Variants in NRTN observed in about 807,000 individuals in gnomAD.
NRTN encodes neurturin.
A neutral mutation model predicts 7.5 loss-of-function variants in NRTN; 3 were observed. That is an observed-to-expected ratio of 0.40 (90% CI 0.18 to 1.03). The LOEUF (loss-of-function observed/expected upper bound fraction) is 1.03, where lower values mean the gene tolerates loss of function less well. Ranked by LOEUF, NRTN falls within the 50% of genes least tolerant of loss-of-function variation. The pLI, the probability that NRTN is intolerant of heterozygous loss-of-function variation, is 0.34. For missense variants in NRTN, 310 were observed against 307.0 expected, an observed-to-expected ratio of 1.01 and a Z score of -0.07; for synonymous variants, 157 against 146.6, an observed-to-expected ratio of 1.07 and a Z score of -0.51.
intron 2 of NRTN, 78 bp from the exon 3 acceptor site, chr19:5,827,671 G>A: frequency 1.6e-6 from 1 of 612,866 alleles, no homozygotes; most frequent in Non-Finnish European, 2.1e-6. Flanking sequence ...CGTTTGCAGG[G>A]GTACAGAGAG....
Position 5,828,005 on chromosome 19 carries a change from C to A in NRTN, c.426C>A (p.Asp142Glu). 1 of 1,450,210 alleles carries A rather than the reference C, an allele frequency of 6.9e-7. No individual in the cohort carries two copies. The highest frequency in any genetic ancestry group is 9.0e-7 in the Non-Finnish European group (1 of 1,107,896). 89.8% of individuals were successfully genotyped at this position (1,450,210 alleles called of 1,614,324 possible). Reference sequence around the variant, plus strand: ...GCGAGGCTGCCGCGCGCGTCTACGACCTCGGGCTGCGACGACTGCGCCAGC... The same window carrying A: ...GCGAGGCTGCCGCGCGCGTCTACGAACTCGGGCTGCGACGACTGCGCCAGC... ...GACEAAARVY[D>E]LGLRRLRQRR... The change falls in exon 3 of 3, where the codon GAC becomes GAA. Residue 142 changes from aspartate to glutamate, a missense_variant. Physicochemically the swap from Asp to Glu is conservative, Grantham distance 45. Transcript: ENST00000303212.
intron 1 of NRTN, among the ~76,000 whole-genome samples, chr19:5,814,246 G>T (rs1413796616): frequency 6.6e-6 from 1 of 152,148 alleles, no homozygotes; most frequent in Non-Finnish European, 1.5e-5. Context: ...CATGGGCACA[G>T]ACACCACGCT....
chr19:5,819,425 G>A (rs1433372084), intron 1 of NRTN, among the ~76,000 whole-genome samples: 1 of 152,200 alleles, frequency 6.6e-6, no homozygotes, highest in African/African-American at 2.4e-5. Context: ...ACTTGGGGAG[G>A]CCAAAGCGGG....
intron 2 of NRTN, among the ~76,000 whole-genome samples, chr19:5,826,244 G>A (rs1250260728): frequency 1.3e-5 from 2 of 152,164 alleles, no homozygotes; most frequent in Non-Finnish European, 2.9e-5. Flanking sequence ...CCCCTCTGGG[G>A]TTGGGTGTGC....
chr19:5,808,171 C>T (rs1346335901), intron 1 of NRTN, among the ~76,000 whole-genome samples: 3 of 152,210 alleles, frequency 2.0e-5, no homozygotes, highest in African/African-American at 7.2e-5. Context: ...AGGGTTTAAC[C>T]TTCATCTGGG....
chr19:5,811,302 G>T, intron 1 of NRTN, among the ~76,000 whole-genome samples: 1 of 152,168 alleles, frequency 6.6e-6, no homozygotes, highest in East Asian at 1.9e-4. Context: ...AGGGAGGAGT[G>T]TTGGAAGTGA....
At chr19:5,822,903 A>G (rs1306724483) in intron 1 of NRTN, among the ~76,000 whole-genome samples, 1 of 151,968 alleles carries the variant, frequency 6.6e-6, no homozygotes, top group Non-Finnish European at 1.5e-5. Flanking sequence ...GCCTGTAGTC[A>G]GTCCTAGCTA....
At chr19:5,817,627 AAGAAGGCAGGCAGGC>A (rs779439519) in intron 1 of NRTN, among the ~76,000 whole-genome samples, 1 of 127,184 alleles carries the variant, frequency 7.9e-6, no homozygotes, top group African/African-American at 3.1e-5. Flanking sequence ...AAAGAAAAAG[AAGAAGGCAGGCAGGC>A]AGGCAGGCAG....
intron 1 of NRTN, among the ~76,000 whole-genome samples, chr19:5,807,210 A>G (rs937211089): frequency 3.3e-5 from 5 of 152,088 alleles, no homozygotes; most frequent in Non-Finnish European, 7.4e-5. Flanking sequence ...AGTGTGGGAG[A>G]GACTGTTCTA....
chr19:5,813,693 A>AG (rs2056997157), intron 1 of NRTN, among the ~76,000 whole-genome samples: 1 of 148,248 alleles, frequency 6.7e-6, no homozygotes, highest in African/African-American at 2.6e-5. Flanking sequence ...AAAAAAAAAA[A>AG]GCCAGGCATG....
chr19:5,826,089 C>T (rs1386467133), intron 2 of NRTN, among the ~76,000 whole-genome samples: 1 of 151,518 alleles, frequency 6.6e-6, no homozygotes, highest in Non-Finnish European at 1.5e-5. Flanking sequence ...GAGCCGAGAT[C>T]GCGCCACTGC....
chr19:5,826,529 C>A (rs1045176649), intron 2 of NRTN, among the ~76,000 whole-genome samples: 1 of 152,202 alleles, frequency 6.6e-6, no homozygotes. Flanking sequence ...CCCACCAAAC[C>A]CCAGGAGACA....
intron 1 of NRTN, among the ~76,000 whole-genome samples, chr19:5,822,688 C>A (rs1487690171): frequency 6.6e-6 from 1 of 152,220 alleles, no homozygotes; most frequent in South Asian, 2.1e-4. Context: ...GGAGGAGGCA[C>A]CCTCCAAGCT....
chr19:5,820,439 GC>G (rs2057020028), intron 1 of NRTN, among the ~76,000 whole-genome samples: 1 of 151,236 alleles, frequency 6.6e-6, no homozygotes. Context: ...GGTGGCGGGC[GC>G]CTGTAGTCCC....
Position 5,827,732 on chromosome 19 carries a change from T to A in NRTN, c.170-17T>A. 1.8e-6 allele frequency: 2 copies of A among 1,108,004 alleles called. No homozygotes were observed. Among genetic ancestry groups the A allele is most frequent in the South Asian group, 4.1e-5 (1 of 24,310 alleles). 68.6% of individuals were successfully genotyped at this position (1,108,004 alleles called of 1,614,324 possible). On this transcript the variant is annotated splice_polypyrimidine_tract_variant and intron_variant, in intron 2 of 2. Transcript: ENST00000303212. ...GCACCCACTGACCCCCCCTCCTTTC[T>A]CTTCCTCCCCTCGCAGACCGTGCAC... is the stretch of plus-strand genomic sequence containing the variant.
chr19:5,815,169 CAGG>C (rs201372339), intron 1 of NRTN, among the ~76,000 whole-genome samples: 2,370 of 152,172 alleles, frequency 0.016, 28 homozygotes, highest in Middle Eastern at 0.054. Flanking sequence ...TGTGTGTGGC[CAGG>C]AGGAGGGTCT....
chr19:5,827,908 T>C lies in NRTN; in HGVS notation c.329T>C (p.Val110Ala). Residue 110 changes from valine (V) to alanine (A), a missense_variant, in exon 3 of 3, where the codon GTG becomes GCG. Transcript: ENST00000303212. ...CCTTGCGGGCTGCGCGAGCTGGAGG[T>C]GCGCGTGAGCGAGCTGGGCCTGGGC... ...ARPCGLRELEVRVSELGLGYA... is the reference protein window; with the variant it reads ...ARPCGLRELEARVSELGLGYA... 6.9e-7 allele frequency: 1 copy of C among 1,442,306 alleles called. No homozygotes were observed. The highest frequency in any genetic ancestry group is 9.1e-7 in the Non-Finnish European group (1 of 1,097,684). The allele number at this position is 1,442,306 out of a possible 1,614,324, so 89.3% of individuals were successfully genotyped here.
rs1347469803 is a variant in NRTN, at chr19:5,820,735, CAAGAAAAAAAAAA to C, written c.-398-3030_-398-3018del. 1.5e-3 allele frequency among the ~76,000 whole-genome samples: 95 copies of C among 62,138 alleles called. 1 individual carries two copies. The highest frequency in any genetic ancestry group is 3.9e-3 in the Admixed American group (16 of 4,108). 40.8% of individuals were successfully genotyped at this position (62,138 alleles called of 152,430 possible). A position where few individuals can be genotyped will look rare whatever the true frequency, so the allele number is the denominator to read the frequency against. On this transcript the variant is annotated intron_variant, in intron 1 of 2. Coordinates refer to ENST00000303212, the MANE Select transcript of NRTN (RefSeq NM_004558.5). ...TGGGCAACAGAGTGAAACTCTGTCT[CAAGAAAAAAAAAA>C]AAAAAAAAAAAAAAAAAAAGGAATA...
At chr19:5,823,128 G>A (rs1159904397) in intron 1 of NRTN, among the ~76,000 whole-genome samples, 1 of 151,520 alleles carries the variant, frequency 6.6e-6, no homozygotes, top group African/African-American at 2.4e-5. Context: ...GAGAAAGAGA[G>A]AGAGGAGGCT....
Sources: gnomAD v4.1 joint callset for allele counts (sites outside exome capture counted in the v4.1 genomes callset) on GRCh38, gnomAD v4.1.1 for gene constraint, MANE v1.5 for transcripts, NCBI Gene and HGNC (gene_info 2026-07-23, HGNC 2026-07-21) for gene names.